Variants in CTNNA3 observed in about 807,000 individuals in gnomAD.
CTNNA3 encodes catenin alpha 3, also known as catenin alpha-3.
CTNNA3 carries 76 observed loss-of-function variants against 95.7 expected under a neutral mutation model. The ratio of observed to expected loss-of-function variants is 0.79; its 90% CI spans 0.66 to 0.96. The LOEUF is 0.96. Ranked by LOEUF, CTNNA3 falls within the 40% of genes least tolerant of loss-of-function variation. The pLI is 0.00. For synonymous variants in CTNNA3, 431 were observed against 374.4 expected (o/e 1.15, Z -1.74); for missense variants, 1,191 against 1,089.8 (o/e 1.09, Z -1.31).
chr10:67,256,162 C>A (rs1866341289), intron 5 of CTNNA3, among the ~76,000 whole-genome samples: 1 of 152,120 alleles, frequency 6.6e-6, no homozygotes, highest in African/African-American at 2.4e-5. Context: ...AGACAATTAG[C>A]TAAACCATTA....
chr10:66,091,331 C>T (rs1208986735), intron 14 of CTNNA3, among the ~76,000 whole-genome samples: 1 of 151,800 alleles, frequency 6.6e-6, no homozygotes, highest in African/African-American at 2.4e-5. Flanking sequence ...AGGAGCTACC[C>T]TATTTATTCT....
chr10:66,222,578 G>A (rs2088996531), intron 13 of CTNNA3, among the ~76,000 whole-genome samples: 1 of 133,016 alleles, frequency 7.5e-6, no homozygotes, highest in Non-Finnish European at 1.6e-5. Flanking sequence ...AGGAAAGAAA[G>A]AAGGAAAGAA....
intron 11 of CTNNA3, among the ~76,000 whole-genome samples, chr10:66,492,881 A>T (rs1589328283): frequency 6.6e-6 from 1 of 152,284 alleles, no homozygotes; most frequent in Non-Finnish European, 1.5e-5. Context: ...GAAACAAAAT[A>T]GGAGTTGAAT....
At chr10:66,420,190 A>T (rs767243139) in intron 11 of CTNNA3, among the ~76,000 whole-genome samples, 2 of 152,206 alleles carry the variant, frequency 1.3e-5, no homozygotes, top group South Asian at 4.1e-4. Context: ...CAATAAAATA[A>T]GAATCCCATT....
intron 5 of CTNNA3, among the ~76,000 whole-genome samples, chr10:67,228,579 C>T (rs1025970971): frequency 1.3e-5 from 2 of 151,798 alleles, no homozygotes; most frequent in Admixed American, 1.3e-4. Flanking sequence ...TGCCACTGCA[C>T]TCCAGCCTGG....
Position 67,234,183 on chromosome 10 carries a change from T to C in CTNNA3, c.580-14313A>G, listed in dbSNP as rs545769532. Among the ~76,000 whole-genome samples, 26 of 152,304 alleles carry C rather than the reference T, an allele frequency of 1.7e-4. 1 individual carries two copies. The South Asian group carries it at 3.3e-3, about 19-fold the overall frequency. On this transcript the variant is annotated intron_variant, in intron 5 of 17. Coordinates refer to ENST00000433211, the MANE Select transcript of CTNNA3 (RefSeq NM_013266.4). ...TTTTATGAGGCCAGCATCATCCTGA[T>C]ACCAAAGCCGGGCAGAGACACAACC...
chr10:67,652,910 A>G (rs1172089069), intron 1 of CTNNA3, among the ~76,000 whole-genome samples: 1 of 152,224 alleles, frequency 6.6e-6, no homozygotes, highest in East Asian at 1.9e-4. Flanking sequence ...TAGCCTTCCC[A>G]ACTTTACTTT....
intron 7 of CTNNA3, among the ~76,000 whole-genome samples, chr10:66,902,661 A>G (rs1845804105): frequency 6.6e-6 from 1 of 152,156 alleles, no homozygotes. Context: ...GAAAAGAGAG[A>G]AGAATCAAAT....
chr10:67,451,055 C>G (rs1846960745), intron 5 of CTNNA3, among the ~76,000 whole-genome samples: 1 of 152,004 alleles, frequency 6.6e-6, no homozygotes, highest in Non-Finnish European at 1.5e-5. Flanking sequence ...AGGCTCCATC[C>G]TCATGAATGG....
At chr10:66,204,577 A>G (rs1173176596) in intron 13 of CTNNA3, among the ~76,000 whole-genome samples, 1 of 152,162 alleles carries the variant, frequency 6.6e-6, no homozygotes, top group Non-Finnish European at 1.5e-5. Context: ...GTATCTCCTC[A>G]TAGGAATTAA....
intron 7 of CTNNA3, among the ~76,000 whole-genome samples, chr10:67,078,051 G>C (rs1187536206): frequency 6.6e-6 from 1 of 152,262 alleles, no homozygotes; most frequent in Admixed American, 6.5e-5. Flanking sequence ...CTAGACCACA[G>C]ACCAGGGTCA....
At chr10:67,101,375 CT>C (rs1463165719) in intron 7 of CTNNA3, among the ~76,000 whole-genome samples, 2 of 151,586 alleles carry the variant, frequency 1.3e-5, no homozygotes, top group African/African-American at 2.4e-5. Context: ...AATTCTTTTT[CT>C]TTTTTTCTTT....
At chr10:66,010,186 T>C (rs1451643328) in intron 15 of CTNNA3, among the ~76,000 whole-genome samples, 1 of 152,210 alleles carries the variant, frequency 6.6e-6, no homozygotes, top group South Asian at 2.1e-4. Flanking sequence ...ACTTTCAACA[T>C]GTTACTATCA....
chr10:65,984,926 C>A (rs1161822272), intron 16 of CTNNA3, among the ~76,000 whole-genome samples: 1 of 150,970 alleles, frequency 6.6e-6, no homozygotes, highest in Non-Finnish European at 1.5e-5. Flanking sequence ...GTCACATAAT[C>A]AAACTCAGAA....
At chr10:67,159,191 C>T (rs1207373222) in intron 7 of CTNNA3, among the ~76,000 whole-genome samples, 2 of 152,218 alleles carry the variant, frequency 1.3e-5, no homozygotes, top group African/African-American at 4.8e-5. Context: ...CAGCCCCTGT[C>T]GTGTACCCCT....
chr10:67,759,204 T>C (rs1174091261), intron 1 of CTNNA3, among the ~76,000 whole-genome samples: 2 of 152,202 alleles, frequency 1.3e-5, no homozygotes. Flanking sequence ...ACTGACTAAA[T>C]CTTAATGAAG....
At chr10:67,459,192 A>T (rs924624179) in intron 5 of CTNNA3, among the ~76,000 whole-genome samples, 13 of 152,196 alleles carry the variant, frequency 8.5e-5, no homozygotes. Context: ...TACACTCAAT[A>T]TTTTCACCCA....
At chr10:67,759,968 A>C (rs1841454147) in intron 1 of CTNNA3, among the ~76,000 whole-genome samples, 1 of 152,206 alleles carries the variant, frequency 6.6e-6, no homozygotes, top group African/African-American at 2.4e-5. Flanking sequence ...GTCAACACAT[A>C]ACCACATTCC....
intron 13 of CTNNA3, among the ~76,000 whole-genome samples, chr10:66,275,878 T>G (rs2091385634): frequency 6.6e-6 from 1 of 151,838 alleles, no homozygotes; most frequent in African/African-American, 2.4e-5. Context: ...GTTGTGACAC[T>G]GCAGGTAATC....
Sources: gnomAD v4.1 joint callset for allele counts (sites outside exome capture counted in the v4.1 genomes callset) on GRCh38, gnomAD v4.1.1 for gene constraint, MANE v1.5 for transcripts, NCBI Gene and HGNC (gene_info 2026-07-23, HGNC 2026-07-21) for gene names.